The following ERI2 variants were observed in gnomAD, a reference collection of about 807,000 sequenced individuals.
ERI2 encodes ERI1 exoribonuclease 2.
Under a neutral mutation model 46.8 loss-of-function variants are expected in ERI2, and 35 were observed. The ratio of observed to expected loss-of-function variants is 0.75; its 90% CI spans 0.57 to 0.99. ERI2 has a LOEUF of 0.99. Ranked by LOEUF, ERI2 falls within the 50% of genes least tolerant of loss-of-function variation. The pLI, the probability that ERI2 is intolerant of heterozygous loss-of-function variation, is 0.00. For synonymous variants in ERI2, 224 were observed against 271.0 expected (o/e 0.83, Z 1.70); for missense variants, 695 against 796.2 (o/e 0.87, Z 1.53).
chr16:20,806,434 C>T lies in ERI2; in HGVS notation c.-4G>A. The T allele has an allele frequency of 6.4e-7, 1 of 1,553,496 alleles. No individual in the cohort carries two copies. The highest frequency in any genetic ancestry group is 8.7e-7 in the Non-Finnish European group (1 of 1,148,264). The stretch of plus-strand genomic sequence containing the variant: ...GCGCGAGCCGCTTGGTCGCCATTCC[C>T]GACACTCCTTGCTTTTCCAAGTCCA... On this transcript the variant is annotated 5_prime_UTR_variant, in exon 1 of 9. Transcript: ENST00000357967.
At position 20,790,494 on chromosome 16, in the gene ERI2, T is replaced by C. The variant is rs1208479326; in HGVS notation, c.815+356A>G. On this transcript the variant is annotated intron_variant, in intron 9 of 10. Transcript: ENST00000300005. The surrounding 1 kb of genome is among the most constrained non-coding windows in gnomAD (Gnocchi z 4.0). Reference sequence around the variant, plus strand: ...TTTTTTTTAAGTCTTCATTTTTAAATGGCAAAAGCCAAAATAAAACTTGCA... The same window carrying C: ...TTTTTTTTAAGTCTTCATTTTTAAACGGCAAAAGCCAAAATAAAACTTGCA... 6 of 1,307,010 alleles carry C rather than the reference T, an allele frequency of 4.6e-6. No homozygotes were observed. The highest frequency in any genetic ancestry group is 1.5e-5 in the African/African-American group (1 of 66,546). The allele number at this position is 1,307,010 out of a possible 1,614,324, so 81.0% of individuals were successfully genotyped here. A position where few individuals can be genotyped will look rare whatever the true frequency, so the allele number is the denominator to read the frequency against.
rs1334686998 is a variant in ERI2 at position 20,806,389 on chromosome 16, C to G, written c.23+19G>C. ...GGACCCGGAGCTACCCGCCCCCGAC[C>G]CGGAACTCCCTCGAGTACCGCGCGA... On this transcript the variant is annotated intron_variant, in intron 1 of 8. Coordinates refer to ENST00000357967, the MANE Select transcript of ERI2 (RefSeq NM_001142725.2). The G allele has an allele frequency of 1.9e-6, 3 of 1,550,280 alleles. No individual in the cohort carries two copies. Among genetic ancestry groups the G allele is most frequent in the Non-Finnish European group, 1.7e-6 (2 of 1,147,126 alleles).
At position 20,790,466 on chromosome 16, in the gene ERI2, A is replaced by C. The variant is rs1315197944; in HGVS notation, c.815+384T>G. The C allele has an allele frequency of 6.3e-6, 6 of 950,898 alleles. No homozygotes were observed. Among genetic ancestry groups the C allele is most frequent in the Non-Finnish European group, 9.5e-6 (6 of 630,872 alleles). The allele number at this position is 950,898 out of a possible 1,614,324, so 58.9% of individuals were successfully genotyped here. A position where few individuals can be genotyped will look rare whatever the true frequency, so the allele number is the denominator to read the frequency against. On this transcript the variant is annotated intron_variant, in intron 9 of 10. Transcript: ENST00000300005. This position sits in a 1 kb window ranked among gnomAD's most constrained non-coding sequence, Gnocchi z 4.0. ...AGTGAGACCTTGTCTCACACACACAAAATTTTTTTTAAGTCTTCATTTTTA... is the reference window on the plus strand; with the variant it reads ...AGTGAGACCTTGTCTCACACACACACAATTTTTTTTAAGTCTTCATTTTTA...
chr16:20,796,434 AG>A lies in ERI2; in HGVS notation c.*1289del. On this transcript the variant is annotated 3_prime_UTR_variant, in exon 9 of 9. Transcript: ENST00000357967. ...TCACATGATCAAGAACAACTAATAAAGGAGATTCAGGAGCATGTTAAAAAAA... is the reference window on the plus strand; with the variant it reads ...TCACATGATCAAGAACAACTAATAAAGAGATTCAGGAGCATGTTAAAAAAA... 1 of 1,613,946 alleles carries A rather than the reference AG, an allele frequency of 6.2e-7. No individual in the cohort carries two copies. The highest frequency in any genetic ancestry group is 8.5e-7 in the Non-Finnish European group (1 of 1,179,958).
intron 10 of ERI2, chr16:20,786,038 G>C (rs72778664): frequency 7.4e-7 from 1 of 1,358,772 alleles, no homozygotes; most frequent in Non-Finnish European, 1.0e-6. Flanking sequence ...AATTTTAAGT[G>C]ACTTGTAATG....
chr16:20,803,268 A>G (rs894224829), intron 3 of ERI2, among the ~76,000 whole-genome samples, 165 bp downstream of exon 3: 31 of 152,200 alleles, frequency 2.0e-4, no homozygotes, highest in African/African-American at 7.2e-4. Context: ...ATAATAACAC[A>G]TTTAGGTATT....
chr16:20,789,743 C>T (rs1344559618), intron 9 of ERI2, among the ~76,000 whole-genome samples: 3 of 139,636 alleles, frequency 2.1e-5, no homozygotes, highest in East Asian at 2.1e-4. Context: ...GGAGTGATCT[C>T]GGCTCACTGC....
At position 20,801,266 on chromosome 16, in the gene ERI2, C is replaced by G; in HGVS notation, c.397G>C (p.Ala133Pro). The change falls in exon 5 of 9, where the codon GCT becomes CCT. Residue 133 changes from alanine (A) to proline (P), a missense_variant. Coordinates refer to ENST00000357967, the MANE Select transcript of ERI2 (RefSeq NM_001142725.2). ...KIQQQKNIIF[A>P]TGISEPSASE... ...GCAGAAGGCTCTGAAATCCCAGTAG[C>G]AAAAATAATGTTCTTCTGTTGCTGA... The G allele has an allele frequency of 3.1e-6, 5 of 1,612,280 alleles. No individual in the cohort carries two copies. Among genetic ancestry groups the G allele is most frequent in the Non-Finnish European group, 4.2e-6 (5 of 1,179,202 alleles).
At chr16:20,780,954 G>C (rs973646056) in intron 10 of ERI2, 1 of 1,613,922 alleles carries the variant, frequency 6.2e-7, no homozygotes, top group Admixed American at 1.7e-5. Context: ...GTACATCAGG[G>C]CTACTCTTTG....
Position 20,798,720 on chromosome 16 carries a change from T to C in ERI2, c.1080A>G (p.Glu360=). ...TAGATTTGGTATTAAATGCAAGATG[T>C]TCATTTTTTCCTTGCTTTTGCATAT... ...PIYMQKQGKN[E]HLAFNTKSKA... is the part of the protein sequence containing the mutation. The change falls in exon 9 of 9, where the codon GAA becomes GAG. Residue 360 remains glutamate, a synonymous_variant. Transcript: ENST00000357967. 6.4e-7 allele frequency: 1 copy of C among 1,551,654 alleles called. No individual in the cohort carries two copies. The highest frequency in any genetic ancestry group is 8.7e-7 in the Non-Finnish European group (1 of 1,146,918).
chr16:20,783,335 G>C (rs1043860079), intron 10 of ERI2: 49 of 152,196 alleles, frequency 3.2e-4, no homozygotes, highest in African/African-American at 1.1e-3. Context: ...AGTACAGGTT[G>C]AGTATCCCTT....
chr16:20,800,395 G>A lies in ERI2; in HGVS notation c.468C>T (p.Asp156=), dbSNP rs1372883625. The A allele has an allele frequency of 6.2e-7, 1 of 1,600,626 alleles. No homozygotes were observed. Among genetic ancestry groups the A allele is most frequent in the Non-Finnish European group, 8.5e-7 (1 of 1,170,650 alleles). The change falls in exon 6 of 9, where the codon GAC becomes GAT. Residue 156 remains aspartate, a synonymous_variant. Transcript: ENST00000357967. The part of the protein sequence containing the change: ...LCAFVTWSDW[D]LGVCLEYECK... ...ACTCATACTCCAGGCAAACCCCCAAGTCCCAGTCTGCATTAGGTACATTAA... is the reference window on the plus strand; with the variant it reads ...ACTCATACTCCAGGCAAACCCCCAAATCCCAGTCTGCATTAGGTACATTAA...
At position 20,797,097 on chromosome 16, in the gene ERI2, A is replaced by C; in HGVS notation, c.*627T>G. On this transcript the variant is annotated 3_prime_UTR_variant, in exon 9 of 9. Coordinates refer to ENST00000357967, the MANE Select transcript of ERI2 (RefSeq NM_001142725.2). ...TGCTTAGAAACTGTTGATTTAAAATATCTTGTGGTTATGATATCAGAGGCT... is the reference window on the plus strand; with the variant it reads ...TGCTTAGAAACTGTTGATTTAAAATCTCTTGTGGTTATGATATCAGAGGCT... 1 of 1,416,274 alleles carries C rather than the reference A, an allele frequency of 7.1e-7. No individual in the cohort carries two copies. The allele number at this position is 1,416,274 out of a possible 1,614,324, so 87.7% of individuals were successfully genotyped here. A position where few individuals can be genotyped will look rare whatever the true frequency, so the allele number is the denominator to read the frequency against.
chr16:20,792,103 A>G, downstream of ERI2: 1 of 1,614,160 alleles, frequency 6.2e-7, no homozygotes, highest in Non-Finnish European at 8.5e-7. Flanking sequence ...TTGTTGCAAG[A>G]GCAGATGATG....
intron 8 of ERI2, chr16:20,791,039 G>T: frequency 8.5e-7 from 1 of 1,176,584 alleles, no homozygotes; most frequent in African/African-American, 1.5e-5. Flanking sequence ...CGGGAAGAGT[G>T]AGAGGGACAG....
chr16:20,781,985 A>G (rs2080363027), intron 10 of ERI2, among the ~76,000 whole-genome samples: 1 of 152,192 alleles, frequency 6.6e-6, no homozygotes, highest in South Asian at 2.1e-4. Context: ...CCCCCAAACA[A>G]GAAGAAAGTG....
rs2080739931 is a variant in ERI2 at position 20,797,212 on chromosome 16, CTGAT to C, written c.*508_*511del. 2 of 1,216,714 alleles carry C rather than the reference CTGAT, an allele frequency of 1.6e-6. No homozygotes were observed. The highest frequency in any genetic ancestry group is 4.5e-5 in the South Asian group (2 of 44,414). The allele number at this position is 1,216,714 out of a possible 1,614,324, so 75.4% of individuals were successfully genotyped here. ...AATATAAAAATAATACCATCAATTG[CTGAT>C]TAATTTTTAAATGTATAGTATAGAA... is the stretch of plus-strand genomic sequence containing the variant. On this transcript the variant is annotated 3_prime_UTR_variant, in exon 9 of 9. Coordinates refer to ENST00000357967, the MANE Select transcript of ERI2 (RefSeq NM_001142725.2).
intron 9 of ERI2, chr16:20,789,565 A>C: frequency 6.3e-7 from 1 of 1,592,694 alleles, no homozygotes; most frequent in Non-Finnish European, 8.6e-7. Flanking sequence ...CAGCTAAACA[A>C]AGTTTGAAAA....
chr16:20,780,415 G>A, exon 11 of ERI2: 1 of 549,060 alleles, frequency 1.8e-6, no homozygotes, highest in South Asian at 2.2e-5. Context: ...TTACTCTGCT[G>A]GAGGTATGAT....
Sources: allele counts gnomAD v4.1 joint callset (sites outside exome capture counted in the v4.1 genomes callset), GRCh38; gene constraint gnomAD v4.1.1; non-coding constraint Gnocchi (gnomAD v3.1); transcripts MANE v1.5; gene names NCBI Gene and HGNC (gene_info 2026-07-23, HGNC 2026-07-21).